Variants in KHDRBS2 observed in about 807,000 individuals in gnomAD.
KHDRBS2 encodes the protein KH domain-containing, RNA-binding, signal transduction-associated protein 2.
Under a neutral mutation model 44.3 loss-of-function variants are expected in KHDRBS2, and 26 were observed. The ratio of observed to expected loss-of-function variants is 0.59; its 90% CI spans 0.43 to 0.81. The LOEUF (loss-of-function observed/expected upper bound fraction) is 0.81, where lower values mean the gene tolerates loss of function less well. Ranked by LOEUF, KHDRBS2 falls within the 40% of genes least tolerant of loss-of-function variation. KHDRBS2 has a pLI of 0.00. For missense variants in KHDRBS2, 476 were observed against 433.1 expected (o/e 1.10, Z -0.88); for synonymous variants, 194 against 151.1 (o/e 1.28, Z -2.08).
intron 3 of KHDRBS2, among the ~76,000 whole-genome samples, chr6:61,993,127 TG>T (rs1311126527): frequency 2.0e-5 from 3 of 152,130 alleles, no homozygotes; most frequent in African/African-American, 7.2e-5. Flanking sequence ...TTGGGAAAAG[TG>T]TAAAGGCAGA....
At chr6:61,846,480 T>C (rs1218840204) in intron 6 of KHDRBS2, among the ~76,000 whole-genome samples, 1 of 152,190 alleles carries the variant, frequency 6.6e-6, no homozygotes, top group African/African-American at 2.4e-5. Context: ...TGTCTATATG[T>C]TGAGAATAAG....
intron 2 of KHDRBS2, among the ~76,000 whole-genome samples, chr6:62,117,960 G>A (rs996817399): frequency 1.3e-5 from 2 of 152,036 alleles, no homozygotes; most frequent in African/African-American, 4.8e-5. Context: ...ATTTTTAGTA[G>A]AGATGGGGTT....
intron 8 of KHDRBS2, among the ~76,000 whole-genome samples, chr6:61,685,492 G>A (rs1256531143): frequency 6.6e-6 from 1 of 151,780 alleles, no homozygotes; most frequent in Non-Finnish European, 1.5e-5. Context: ...TAGCAATTAG[G>A]TTGTCATGTT....
At chr6:62,165,104 G>T (rs1818402561) in intron 2 of KHDRBS2, among the ~76,000 whole-genome samples, 1 of 151,544 alleles carries the variant, frequency 6.6e-6, no homozygotes, top group Non-Finnish European at 1.5e-5. Flanking sequence ...GACTTTCCTT[G>T]TGCAGAAGTT....
chr6:62,186,270 A>G (rs2150128472), intron 1 of KHDRBS2, among the ~76,000 whole-genome samples: 1 of 152,200 alleles, frequency 6.6e-6, no homozygotes, highest in African/African-American at 2.4e-5. Flanking sequence ...TCCTCCTAAA[A>G]CGGCTGTAAG....
At chr6:62,067,133 C>G (rs1221813608) in intron 2 of KHDRBS2, among the ~76,000 whole-genome samples, 1 of 151,418 alleles carries the variant, frequency 6.6e-6, no homozygotes, top group Non-Finnish European at 1.5e-5. Context: ...GAGCAGATTA[C>G]TTAGGTTACT....
At chr6:61,915,821 C>A (rs1176478031) in intron 4 of KHDRBS2, among the ~76,000 whole-genome samples, 1 of 151,946 alleles carries the variant, frequency 6.6e-6, no homozygotes, top group African/African-American at 2.4e-5. Context: ...AGTCTTAGGA[C>A]TTTAGTGGTA....
Position 61,894,776 on chromosome 6 carries a change from A to C in KHDRBS2, c.669T>G (p.Pro223=). The part of the protein sequence containing the change: ...PPPPGRGVLT[P]RGSTVTRGAL... ...CTCCACGGGTTACAGTGCTTCCCCG[A>C]GGGGTGAGAACACCTCGTCCAGGTG... Residue 223 remains proline, a synonymous_variant, in exon 6 of 9, where the codon CCT becomes CCG. Transcript: ENST00000281156. 6.2e-7 allele frequency: 1 copy of C among 1,613,418 alleles called. No individual in the cohort carries two copies. Among genetic ancestry groups the C allele is most frequent in the Non-Finnish European group, 8.5e-7 (1 of 1,179,768 alleles).
At chr6:61,974,938 AAAT>A (rs869247301) in intron 4 of KHDRBS2, among the ~76,000 whole-genome samples, 2 of 2,972 alleles carry the variant, frequency 6.7e-4, no homozygotes, top group Non-Finnish European at 1.1e-3. Flanking sequence ...CTTAAAAAAT[AAAT>A]AAATAAATAA....
chr6:61,642,883 A>G, the KHDRBS2 span, among the ~76,000 whole-genome samples: 1 of 152,112 alleles, frequency 6.6e-6, no homozygotes, highest in Non-Finnish European at 1.5e-5. Context: ...TGTCCCAAAT[A>G]GTTTTGGTTC....
chr6:62,213,466 C>T (rs1379923808), intron 1 of KHDRBS2, among the ~76,000 whole-genome samples: 3 of 151,862 alleles, frequency 2.0e-5, no homozygotes, highest in African/African-American at 7.3e-5. Flanking sequence ...AAACGAAAAT[C>T]GGAAAAGTGA....
the KHDRBS2 span, among the ~76,000 whole-genome samples, chr6:61,588,828 A>T: frequency 6.6e-6 from 1 of 152,120 alleles, no homozygotes; most frequent in Non-Finnish European, 1.5e-5. Flanking sequence ...AATGGCCATC[A>T]ATAATAGACT....
At chr6:61,943,677 C>G (rs1812606471) in intron 4 of KHDRBS2, among the ~76,000 whole-genome samples, 2 of 152,074 alleles carry the variant, frequency 1.3e-5, no homozygotes, top group Non-Finnish European at 1.5e-5. Flanking sequence ...AAAACATCTT[C>G]TGCACAGAAA....
chr6:62,099,124 T>C (rs558512837), intron 2 of KHDRBS2, among the ~76,000 whole-genome samples: 2 of 152,210 alleles, frequency 1.3e-5, no homozygotes, highest in Non-Finnish European at 1.5e-5. Flanking sequence ...ACATCTTCAT[T>C]ACTTTAGGGT....
At chr6:61,890,968 A>T (rs1801734746) in intron 6 of KHDRBS2, among the ~76,000 whole-genome samples, 1 of 152,382 alleles carries the variant, frequency 6.6e-6, no homozygotes, top group African/African-American at 2.4e-5. Context: ...TATTCCTAAA[A>T]GGAATACATG....
At chr6:61,670,284 A>T in the KHDRBS2 span, among the ~76,000 whole-genome samples, 22 of 151,426 alleles carry the variant, frequency 1.5e-4, no homozygotes, top group African/African-American at 4.6e-4. Flanking sequence ...GAAACAAAAA[A>T]ATCTTTAAAA....
chr6:62,030,816 GT>G (rs1784209473), intron 3 of KHDRBS2, among the ~76,000 whole-genome samples: 1 of 152,000 alleles, frequency 6.6e-6, no homozygotes, highest in Non-Finnish European at 1.5e-5. Flanking sequence ...GAAAACATAT[GT>G]CCACACAAAG....
intron 6 of KHDRBS2, among the ~76,000 whole-genome samples, chr6:61,744,513 A>G (rs1190144918): frequency 6.6e-6 from 1 of 152,152 alleles, no homozygotes; most frequent in Non-Finnish European, 1.5e-5. Context: ...AGAAAGCACA[A>G]GGATGCTCAG....
chr6:61,964,339 A>AT (rs1769426652), intron 4 of KHDRBS2, among the ~76,000 whole-genome samples: 1 of 152,082 alleles, frequency 6.6e-6, no homozygotes, highest in Admixed American at 6.6e-5. Flanking sequence ...TTTATTGAGA[A>AT]TGACGGCACA....
Sources: gnomAD v4.1 joint callset for allele counts (sites outside exome capture counted in the v4.1 genomes callset) on GRCh38, gnomAD v4.1.1 for gene constraint, MANE v1.5 for transcripts, NCBI Gene and HGNC (gene_info 2026-07-23, HGNC 2026-07-21) for gene names.